LPP: variants seen among roughly 807,000 people sequenced by gnomAD.
LPP encodes the protein lipoma-preferred partner.
LPP carries 38 observed loss-of-function variants against 60.4 expected under a neutral mutation model. The ratio of observed to expected loss-of-function variants is 0.63; its 90% CI spans 0.49 to 0.83. The LOEUF (loss-of-function observed/expected upper bound fraction) is 0.83, where lower values mean the gene tolerates loss of function less well. Among genes scored for constraint, LPP ranks in the 40% least tolerant of loss-of-function variants. The pLI, the probability that LPP is intolerant of heterozygous loss-of-function variation, is 0.00. For missense variants in LPP, 902 were observed against 783.6 expected (o/e 1.15, Z -1.80); for synonymous variants, 328 against 290.8 (o/e 1.13, Z -1.30).
intron 2 of LPP, among the ~76,000 whole-genome samples, chr3:188,313,105 C>G (rs889276206): frequency 6.6e-6 from 1 of 150,532 alleles, no homozygotes; most frequent in African/African-American, 2.5e-5. Flanking sequence ...GCACGTTGTG[C>G]ACATGTACCC....
At chr3:188,360,610 G>A (rs1769006276) in intron 3 of LPP, among the ~76,000 whole-genome samples, 1 of 152,082 alleles carries the variant, frequency 6.6e-6, no homozygotes, top group Admixed American at 6.6e-5. Flanking sequence ...TCCCATTGAA[G>A]CCTTCCAAAG....
chr3:188,331,745 A>G (rs968834263), intron 2 of LPP, among the ~76,000 whole-genome samples: 1 of 152,144 alleles, frequency 6.6e-6, no homozygotes, highest in Admixed American at 6.5e-5. Context: ...TTTATCTCTG[A>G]TGGTACTAGG....
At chr3:188,354,830 CACACAG>C (rs1553873452) in intron 3 of LPP, among the ~76,000 whole-genome samples, 1 of 52,100 alleles carries the variant, frequency 1.9e-5, no homozygotes, top group South Asian at 8.5e-4. Flanking sequence ...CGCACACACA[CACACAG>C]ACACACACAC....
At chr3:188,193,766 A>G (rs887748431) in intron 1 of LPP, among the ~76,000 whole-genome samples, 1 of 151,878 alleles carries the variant, frequency 6.6e-6, no homozygotes, top group African/African-American at 2.4e-5. Flanking sequence ...TTCTGCTAGT[A>G]GGATAGAGTT....
chr3:188,880,041 T>TC lies in LPP; in HGVS notation c.*5562_*5563insC, dbSNP rs796478035. 1,304 of 170,306 alleles carry TC rather than the reference T, an allele frequency of 7.7e-3. 24 individuals are homozygous for TC. Among genetic ancestry groups the TC allele is most frequent in the African/African-American group, 0.03 (1,247 of 41,750 alleles). The allele number at this position is 170,306 out of a possible 1,614,324, so 10.5% of individuals were successfully genotyped here. On this transcript the variant is annotated 3_prime_UTR_variant, in exon 12 of 12. Transcript: ENST00000617246. ...CGTTTTTTTTCTTTTTTTCTTTTTT[T>TC]TTTTTTTGAGACGGAGTCTGGCTCT...
At chr3:188,632,815 C>T (rs1380318402) in intron 7 of LPP, among the ~76,000 whole-genome samples, 1 of 152,128 alleles carries the variant, frequency 6.6e-6, no homozygotes, top group East Asian at 1.9e-4. Context: ...TGTCTTCCTC[C>T]ATTTCTCTCT....
In LPP at chr3:188,740,272, A is replaced by C. The variant is rs143062189; in HGVS notation, c.1241-19841A>C. On this transcript the variant is annotated intron_variant, in intron 8 of 11. Transcript: ENST00000617246. ...CTGTGAACTTTAATTTGTTCATAAC[A>C]GTGCCAATGAGTAAATGGATCTACC... Among the ~76,000 whole-genome samples the C allele has an allele frequency of 3.2e-3, 484 of 152,252 alleles. 1 individual carries two copies. The highest frequency in any genetic ancestry group is 0.031 in the Middle Eastern group (9 of 294).
At chr3:188,557,301 G>A (rs1264581474) in intron 6 of LPP, among the ~76,000 whole-genome samples, 1 of 151,994 alleles carries the variant, frequency 6.6e-6, no homozygotes, top group Non-Finnish European at 1.5e-5. Context: ...CTGAAATAAA[G>A]CAAAACTGTG....
In LPP at chr3:188,243,352, C is replaced by T. The variant is rs114846089; in HGVS notation, c.-67+17825C>T. 5.9e-3 allele frequency among the ~76,000 whole-genome samples: 897 copies of T among 152,178 alleles called. 13 individuals carry two copies. The highest frequency in any genetic ancestry group is 0.021 in the African/African-American group (872 of 41,510). ...TCATAAAGGAAATCTTCAGGATTCA[C>T]AAGAAATTGGCAATTCTTTTCCATC... On this transcript the variant is annotated intron_variant, in intron 2 of 11. Transcript: ENST00000617246.
At position 188,572,259 on chromosome 3, in the gene LPP, A is replaced by G. The variant is rs143014278; in HGVS notation, c.430-36902A>G. 6.6e-6 allele frequency among the ~76,000 whole-genome samples: 1 copy of G among 152,232 alleles called. No individual in the cohort carries two copies. Among genetic ancestry groups the G allele is most frequent in the East Asian group, 1.9e-4 (1 of 5,168 alleles). ...ATAATTTTAAGCCATTTATTTCAAC[A>G]AACATGTAATATATATTCTAACGAC... On this transcript the variant is annotated intron_variant, in intron 6 of 11. Coordinates refer to ENST00000617246, the MANE Select transcript of LPP (RefSeq NM_001375462.1). This position sits in a 1 kb window ranked among gnomAD's most constrained non-coding sequence, Gnocchi z 4.1.
chr3:188,276,794 G>C (rs1400249248), intron 2 of LPP, among the ~76,000 whole-genome samples: 2 of 150,374 alleles, frequency 1.3e-5, no homozygotes, highest in Admixed American at 6.6e-5. Flanking sequence ...ACGTTGGGAA[G>C]CTTCCTGAGC....
At chr3:188,578,128 T>C (rs560289338) in intron 6 of LPP, among the ~76,000 whole-genome samples, 1 of 152,240 alleles carries the variant, frequency 6.6e-6, no homozygotes, top group Admixed American at 6.5e-5. Flanking sequence ...AGAGTGACCA[T>C]CCTTGCCTAC....
At chr3:188,292,122 A>G (rs1746197035) in intron 2 of LPP, among the ~76,000 whole-genome samples, 1 of 152,252 alleles carries the variant, frequency 6.6e-6, no homozygotes, top group African/African-American at 2.4e-5. Flanking sequence ...CAAAAATCAA[A>G]TGTCAAAGCA....
chr3:188,568,694 G>A (rs1484629998), intron 6 of LPP: 1 of 151,942 alleles, frequency 6.6e-6, no homozygotes, highest in Admixed American at 6.6e-5. Flanking sequence ...CATCCGATCT[G>A]AACTAAACTG....
intron 6 of LPP, among the ~76,000 whole-genome samples, chr3:188,608,658 T>C (rs542634519): frequency 6.6e-6 from 1 of 152,348 alleles, no homozygotes; most frequent in South Asian, 2.1e-4. Context: ...TTGTGGTCTT[T>C]TGTGGTTCCA....
At chr3:188,748,269 A>C (rs1726936068) in intron 8 of LPP, among the ~76,000 whole-genome samples, 1 of 152,140 alleles carries the variant, frequency 6.6e-6, no homozygotes, top group Non-Finnish European at 1.5e-5. Flanking sequence ...ACATATATAC[A>C]CATACATACA....
chr3:188,367,793 A>G (rs967827531), intron 3 of LPP, among the ~76,000 whole-genome samples: 2 of 152,234 alleles, frequency 1.3e-5, no homozygotes, highest in African/African-American at 4.8e-5. Flanking sequence ...TCGAACAGGC[A>G]AAAGCAATAA....
chr3:188,358,617 C>T (rs1351165014), intron 3 of LPP, among the ~76,000 whole-genome samples: 1 of 152,130 alleles, frequency 6.6e-6, no homozygotes, highest in Non-Finnish European at 1.5e-5. Flanking sequence ...ACAGAATAAA[C>T]AGTGGAAGAG....
At chr3:188,835,455 C>CAA (rs375424925) in intron 9 of LPP, among the ~76,000 whole-genome samples, 34 of 110,718 alleles carry the variant, frequency 3.1e-4, no homozygotes, top group African/African-American at 1.1e-3. Flanking sequence ...ACTAAAAATA[C>CAA]AAAAAAAAAA....
Sources: allele counts gnomAD v4.1 joint callset (sites outside exome capture counted in the v4.1 genomes callset), GRCh38; gene constraint gnomAD v4.1.1; non-coding constraint Gnocchi (gnomAD v3.1); transcripts MANE v1.5; gene names NCBI Gene and HGNC (gene_info 2026-07-23, HGNC 2026-07-21).